Variants in NAF1 observed in about 807,000 individuals in gnomAD.
The protein encoded by NAF1 is H/ACA ribonucleoprotein complex non-core subunit NAF1.
Under a neutral mutation model 40.6 loss-of-function variants are expected in NAF1, and 11 were observed. The observed-to-expected ratio is 0.27, with a 90% CI of 0.17 to 0.45. NAF1 has a LOEUF of 0.45. NAF1 is among the 20% of genes least tolerant of loss of function. The probability of loss-of-function intolerance (pLI) is 1.00; values close to 1 mark genes in which losing one functional copy is unlikely to be tolerated. For missense variants in NAF1, 607 were observed against 611.1 expected (o/e 0.99, Z 0.07); for synonymous variants, 260 against 228.5 (o/e 1.14, Z -1.24).
chr4:163,144,602 G>A (rs1285513942), intron 4 of NAF1, among the ~76,000 whole-genome samples: 5 of 152,170 alleles, frequency 3.3e-5, no homozygotes, highest in African/African-American at 1.2e-4. Context: ...AAGGCACTTA[G>A]ATTTATAATC....
chr4:163,121,249 T>C (rs745833430), intron 2 of NAF1, among the ~76,000 whole-genome samples: 4 of 152,100 alleles, frequency 2.6e-5, no homozygotes, highest in African/African-American at 4.8e-5. Context: ...CTATAGAAAA[T>C]AGTCCCTTGG....
In NAF1 at chr4:163,149,366, A is replaced by C. The variant is rs149909799; in HGVS notation, c.541-932T>G. Among the ~76,000 whole-genome samples, 47 of 152,338 alleles carry C rather than the reference A, an allele frequency of 3.1e-4. No individual in the cohort carries two copies. In the East Asian group the frequency reaches 7.3e-3, roughly 24 times the overall value. ...TGGAAAAGGTGGGAAAACCTACATA[A>C]CATGAAGTATACTGCAGACGAATGC... On this transcript the variant is annotated intron_variant, in intron 2 of 7. Transcript: ENST00000274054.
chr4:163,144,366 A>T (rs1291279517), intron 4 of NAF1, among the ~76,000 whole-genome samples: 2 of 152,206 alleles, frequency 1.3e-5, no homozygotes, highest in African/African-American at 4.8e-5. Flanking sequence ...GTTTCAGTGA[A>T]CTTAAAAAGA....
intron 2 of NAF1, among the ~76,000 whole-genome samples, chr4:163,148,755 T>C (rs1731578635): frequency 6.6e-6 from 1 of 152,186 alleles, no homozygotes; most frequent in Admixed American, 6.5e-5. Flanking sequence ...AAAAGGCTAT[T>C]ATCAGGCAGA....
intron 2 of NAF1, chr4:163,157,255 T>G (rs571896313): frequency 6.6e-6 from 1 of 152,218 alleles, no homozygotes; most frequent in East Asian, 1.9e-4. Flanking sequence ...TCCTTCACTT[T>G]GAGAAAATAT....
chr4:163,122,552 T>A (rs1299012643), downstream of NAF1, among the ~76,000 whole-genome samples: 3 of 152,228 alleles, frequency 2.0e-5, no homozygotes, highest in Non-Finnish European at 4.4e-5. Context: ...AAGAAACTGA[T>A]ACATTTTGGA....
intron 6 of NAF1, 41 bp downstream of exon 6, chr4:163,137,158 C>A: frequency 6.2e-7 from 1 of 1,607,820 alleles, no homozygotes; most frequent in Non-Finnish European, 8.5e-7. Flanking sequence ...TTAAGTCCTG[C>A]CCTACTTTAT....
intron 2 of NAF1, among the ~76,000 whole-genome samples, chr4:163,161,220 C>CCCAG (rs1372456230): frequency 6.6e-6 from 1 of 152,076 alleles, no homozygotes; most frequent in Non-Finnish European, 1.5e-5. Context: ...CGCCTGTAAT[C>CCCAG]CCAGCACTTT....
chr4:163,128,696 G>T lies in NAF1; in HGVS notation c.*201C>A. The T allele has an allele frequency of 2.7e-6, 3 of 1,111,938 alleles. No individual in the cohort carries two copies. The highest frequency in any genetic ancestry group is 3.4e-6 in the Non-Finnish European group (3 of 882,700). 68.9% of individuals were successfully genotyped at this position (1,111,938 alleles called of 1,614,324 possible). The stretch of plus-strand genomic sequence containing the variant: ...TTAATTAAATATTACATAATTTAAT[G>T]TTCTCCCAAGAATTTGAGCTGACAT... On this transcript the variant is annotated 3_prime_UTR_variant, in exon 8 of 8. Transcript: ENST00000274054.
At chr4:163,147,889 G>A (rs143532483) in intron 3 of NAF1, among the ~76,000 whole-genome samples, 244 of 152,246 alleles carry the variant, frequency 1.6e-3, no homozygotes, top group African/African-American at 5.8e-3. Context: ...AGAGCCAAAA[G>A]TCAAGGAATG....
chr4:163,126,843 C>A, downstream of NAF1: 1 of 1,289,780 alleles, frequency 7.8e-7, no homozygotes, highest in Non-Finnish European at 1.0e-6. Context: ...AGTCAGCGGC[C>A]AACAGCACTT....
chr4:163,162,020 C>A (rs758436042), intron 2 of NAF1, among the ~76,000 whole-genome samples: 16 of 152,176 alleles, frequency 1.1e-4, no homozygotes, highest in Admixed American at 9.2e-4. Flanking sequence ...CTCGCCTACA[C>A]AAACAGGAGT....
intron 2 of NAF1, among the ~76,000 whole-genome samples, chr4:163,154,833 T>G (rs1387821753): frequency 6.8e-6 from 1 of 146,166 alleles, no homozygotes; most frequent in African/African-American, 2.5e-5. Flanking sequence ...ATCGCACCAT[T>G]GCACTCCAGC....
At chr4:163,131,543 C>T (rs1730874883) in intron 7 of NAF1, among the ~76,000 whole-genome samples, 1 of 152,102 alleles carries the variant, frequency 6.6e-6, no homozygotes, top group South Asian at 2.1e-4. Context: ...GTTATCACTC[C>T]ACGCAATTTT....
At chr4:163,144,316 C>T (rs1005528425) in intron 4 of NAF1, among the ~76,000 whole-genome samples, 4 of 152,120 alleles carry the variant, frequency 2.6e-5, no homozygotes, top group Non-Finnish European at 4.4e-5. Context: ...AGCAAGGTTT[C>T]TCAAGTTTTA....
At chr4:163,131,959 A>G (rs779349691) in intron 7 of NAF1, among the ~76,000 whole-genome samples, 9 of 152,246 alleles carry the variant, frequency 5.9e-5, no homozygotes, top group Non-Finnish European at 7.3e-5. Flanking sequence ...ACACATGGAA[A>G]GATGTTCAAT....
chr4:163,166,695 C>T lies in NAF1; in HGVS notation c.33G>A (p.Leu11=). The change falls in exon 1 of 8, where the codon CTG becomes CTA. Residue 11 remains leucine, a synonymous_variant. Coordinates refer to ENST00000274054, the MANE Select transcript of NAF1 (RefSeq NM_138386.3). ...CGGTGCCATTGAATTTCAGAGTTTCCAGCTGAGCGGCGGCGGCCTCCACTA... is the reference window on the plus strand; with the variant it reads ...CGGTGCCATTGAATTTCAGAGTTTCTAGCTGAGCGGCGGCGGCCTCCACTA... MEVVEAAAAQ[L]ETLKFNGTDF... 6.2e-7 allele frequency: 1 copy of T among 1,613,778 alleles called. No individual in the cohort carries two copies.
At chr4:163,130,158 A>G (rs1378404053) in intron 7 of NAF1, among the ~76,000 whole-genome samples, 1 of 152,162 alleles carries the variant, frequency 6.6e-6, no homozygotes, top group Non-Finnish European at 1.5e-5. Flanking sequence ...CATAAGATCC[A>G]TGGTCTTGTA....
At chr4:163,138,600 C>G (rs1380385411) in intron 5 of NAF1, among the ~76,000 whole-genome samples, 1 of 152,064 alleles carries the variant, frequency 6.6e-6, no homozygotes, top group Non-Finnish European at 1.5e-5. Context: ...AAGTACTCCA[C>G]CAAGTTCCCA....
Sources: allele counts gnomAD v4.1 joint callset (sites outside exome capture counted in the v4.1 genomes callset), GRCh38; gene constraint gnomAD v4.1.1; transcripts MANE v1.5; gene names NCBI Gene and HGNC (gene_info 2026-07-23, HGNC 2026-07-21).